ZNF44: variants seen among roughly 807,000 people sequenced by gnomAD.
The protein encoded by ZNF44 is zinc finger protein 44.
In ZNF44, 9 loss-of-function variants were observed where a neutral mutation model predicts 11.7. That is an observed-to-expected ratio of 0.77 (90% CI 0.46 to 1.35). ZNF44 has a LOEUF of 1.35. Among genes scored for constraint, ZNF44 ranks in the 40% most tolerant of loss-of-function variants. ZNF44 has a pLI of 0.00. For synonymous variants in ZNF44, 224 were observed against 242.7 expected (o/e 0.92, Z 0.72); for missense variants, 696 against 743.1 (o/e 0.94, Z 0.74).
chr19:12,242,229 C>T (rs929622659), upstream of ZNF44, among the ~76,000 whole-genome samples: 6 of 151,964 alleles, frequency 3.9e-5, no homozygotes, highest in South Asian at 2.1e-4. Flanking sequence ...AATTAAAGGC[C>T]GGGTGCGGTG....
intron 5 of ZNF44, among the ~76,000 whole-genome samples, chr19:12,261,491 G>A (rs935290563): frequency 1.3e-5 from 2 of 152,152 alleles, no homozygotes; most frequent in African/African-American, 4.8e-5. Context: ...AAGTAGCTGG[G>A]TGTGCTGGCA....
intron 7 of ZNF44, among the ~76,000 whole-genome samples, chr19:12,249,202 C>T (rs888972177): frequency 1.3e-5 from 2 of 151,072 alleles, no homozygotes; most frequent in Non-Finnish European, 3.0e-5. Context: ...ACATCTATGC[C>T]ATATTTAAGA....
intron 1 of ZNF44, among the ~76,000 whole-genome samples, chr19:12,286,105 T>G (rs1266744685): frequency 6.6e-6 from 1 of 152,178 alleles, no homozygotes; most frequent in Non-Finnish European, 1.5e-5. Flanking sequence ...TTTTAGCATG[T>G]GTCAAACAGA....
chr19:12,249,360 G>A (rs1916894911), intron 7 of ZNF44, among the ~76,000 whole-genome samples: 1 of 150,862 alleles, frequency 6.6e-6, no homozygotes. Context: ...CAAAAAATTA[G>A]CCGGGCGTGG....
At chr19:12,275,484 T>C (rs1254961129) in intron 2 of ZNF44, among the ~76,000 whole-genome samples, 1 of 151,952 alleles carries the variant, frequency 6.6e-6, no homozygotes. Flanking sequence ...CTGTCTCTAC[T>C]AAAAATACAA....
chr19:12,248,571 C>T (rs1199619952), exon 8 of ZNF44: 2 of 1,292,276 alleles, frequency 1.5e-6, no homozygotes, highest in African/African-American at 1.5e-5. Flanking sequence ...CCAAAGCTTT[C>T]CTCCAGAAGG....
intron 1 of ZNF44, among the ~76,000 whole-genome samples, chr19:12,290,485 A>C (rs1238496384): frequency 6.6e-6 from 1 of 150,946 alleles, no homozygotes; most frequent in East Asian, 2.0e-4. Context: ...GGTGGATCAC[A>C]AGGTCAGGAG....
chr19:12,252,646 C>G (rs1374635460), intron 5 of ZNF44, among the ~76,000 whole-genome samples: 1 of 151,702 alleles, frequency 6.6e-6, no homozygotes, highest in East Asian at 1.9e-4. Flanking sequence ...GTTACTTGGG[C>G]AACCAGTGAA....
At chr19:12,266,752 T>TTGGAATTTA (rs1267074240) in intron 5 of ZNF44, among the ~76,000 whole-genome samples, 1 of 152,182 alleles carries the variant, frequency 6.6e-6, no homozygotes, top group Non-Finnish European at 1.5e-5. Flanking sequence ...CCAGAGGACA[T>TTGGAATTTA]TGGAATTTAA....
Position 12,273,404 on chromosome 19 carries a change from T to A in ZNF44, c.851A>T (p.Lys284Ile). The A allele has an allele frequency of 1.2e-6, 2 of 1,614,102 alleles. No homozygotes were observed. The highest frequency in any genetic ancestry group is 1.7e-6 in the Non-Finnish European group (2 of 1,179,998). The change falls in exon 4 of 4, where the codon AAA becomes ATA. Residue 284 changes from lysine to isoleucine, a missense_variant. By Grantham distance (102) the Lys-to-Ile change is moderately radical. Coordinates refer to ENST00000355684, the MANE Select transcript of ZNF44 (RefSeq NM_016264.4). ...AACACTGAAGGCTTTCCCACATTGT[T>A]TACATTTGTAGGGTTTCTCTCCAGT... is the stretch of plus-strand genomic sequence containing the variant. ...THTGEKPYKC[K>I]QCGKAFSVSG...
chr19:12,231,104 T>C (rs547652862), intron 2 of ZNF44, among the ~76,000 whole-genome samples: 7 of 152,098 alleles, frequency 4.6e-5, no homozygotes, highest in African/African-American at 1.7e-4. Flanking sequence ...ACGATGGTGA[T>C]GCTTCTACTC....
At chr19:12,229,192 A>G (rs1308794241) in intron 3 of ZNF44, among the ~76,000 whole-genome samples, 4 of 152,220 alleles carry the variant, frequency 2.6e-5, no homozygotes, top group African/African-American at 9.7e-5. Flanking sequence ...AAGATTCAGT[A>G]GTTACAATAT....
chr19:12,273,914 C>T lies in ZNF44; in HGVS notation c.341G>A (p.Gly114Asp). The part of the protein sequence containing the change: ...GSSVNGEVIM[G>D]HSSLNCYIRV... ...GATGTAGCAATTCAGGGATGAATGACCCATTATGACTTCTCCATTCACACT... is the reference window on the plus strand; with the variant it reads ...GATGTAGCAATTCAGGGATGAATGATCCATTATGACTTCTCCATTCACACT... The change falls in exon 4 of 4, where the codon GGT (glycine) becomes GAT (aspartate). Residue 114 changes from glycine to aspartate, a missense_variant. Gly to Asp is a moderately conservative substitution (Grantham distance 94). Coordinates refer to ENST00000355684, the MANE Select transcript of ZNF44 (RefSeq NM_016264.4). 6.2e-7 allele frequency: 1 copy of T among 1,614,110 alleles called. No homozygotes were observed. The highest frequency in any genetic ancestry group is 8.5e-7 in the Non-Finnish European group (1 of 1,180,002).
Position 12,272,199 on chromosome 19 carries a change from T to A in ZNF44, c.*208A>T. 1 of 725,292 alleles carries A rather than the reference T, an allele frequency of 1.4e-6. No homozygotes were observed. Among genetic ancestry groups the A allele is most frequent in the Non-Finnish European group, 1.9e-6 (1 of 524,772 alleles). The allele number at this position is 725,292 out of a possible 1,614,324, so 44.9% of individuals were successfully genotyped here. A position where few individuals can be genotyped will look rare whatever the true frequency, so the allele number is the denominator to read the frequency against. On this transcript the variant is annotated 3_prime_UTR_variant, in exon 4 of 4. Coordinates refer to ENST00000355684, the MANE Select transcript of ZNF44 (RefSeq NM_016264.4). ...TTCCGTATTTTTAGTAGAGACAGGG[T>A]TTCCCATGTTAGCCAGGCTGGTCTC...
rs928872239 is a variant in ZNF44 at position 12,284,913 on chromosome 19, A to G, written c.4-8831T>C. Reference sequence around the variant, plus strand: ...CATCCCCGCACCCAGGGACACTGGCATCGTCTCAGCGCCTGTGCCCAAGAA... The same window carrying G: ...CATCCCCGCACCCAGGGACACTGGCGTCGTCTCAGCGCCTGTGCCCAAGAA... On this transcript the variant is annotated intron_variant, in intron 1 of 3. Transcript: ENST00000355684. 1.1e-4 allele frequency: 77 copies of G among 717,920 alleles called. No individual in the cohort carries two copies. The African/African-American group carries it at 1.3e-3, about 12-fold the overall frequency. The allele number at this position is 717,920 out of a possible 1,614,324, so 44.5% of individuals were successfully genotyped here.
intron 5 of ZNF44, among the ~76,000 whole-genome samples, chr19:12,259,882 C>T (rs1428683001): frequency 6.6e-6 from 1 of 152,224 alleles, no homozygotes; most frequent in Non-Finnish European, 1.5e-5. Flanking sequence ...CTTGGGAAAG[C>T]TTCTGCTGTT....
At chr19:12,228,723 C>T (rs1916025918) in intron 3 of ZNF44, among the ~76,000 whole-genome samples, 1 of 151,966 alleles carries the variant, frequency 6.6e-6, no homozygotes, top group African/African-American at 2.4e-5. Context: ...GATACCAGTC[C>T]TTTCCCAAAA....
intron 1 of ZNF44, among the ~76,000 whole-genome samples, chr19:12,280,497 A>G (rs922407359): frequency 6.6e-6 from 1 of 152,120 alleles, no homozygotes; most frequent in African/African-American, 2.4e-5. Flanking sequence ...ATAAAATCAT[A>G]TAGAATGCTC....
chr19:12,256,037 CAAAAAAAAAA>C (rs74180061), intron 5 of ZNF44, among the ~76,000 whole-genome samples: 5,522 of 39,914 alleles, frequency 0.14, 467 homozygotes, highest in African/African-American at 0.33. Context: ...AACTCTGTCT[CAAAAAAAAAA>C]AAAAAAAAAA....
Sources: gnomAD v4.1 joint callset for allele counts (sites outside exome capture counted in the v4.1 genomes callset) on GRCh38, gnomAD v4.1.1 for gene constraint, MANE v1.5 for transcripts, NCBI Gene and HGNC (gene_info 2026-07-23, HGNC 2026-07-21) for gene names.